Variants in CC2D1A observed in about 807,000 individuals in gnomAD.
CC2D1A encodes coiled-coil and C2 domain-containing protein 1A.
Under a neutral mutation model 123.8 loss-of-function variants are expected in CC2D1A, and 68 were observed. That is an observed-to-expected ratio of 0.55 (90% CI 0.45 to 0.67). CC2D1A has a LOEUF of 0.67. Among genes scored for constraint, CC2D1A ranks in the 30% least tolerant of loss-of-function variants. The pLI, the probability that CC2D1A is intolerant of heterozygous loss-of-function variation, is 0.00. For synonymous variants in CC2D1A, 477 were observed against 528.0 expected (o/e 0.90, Z 1.32); for missense variants, 1,185 against 1,290.3 (o/e 0.92, Z 1.25).
rs371934690 is a variant in CC2D1A, at chr19:13,923,522, C to T, written c.1765-26C>T. 3.9e-5 allele frequency: 63 copies of T among 1,613,960 alleles called. 1 individual carries two copies. Among genetic ancestry groups the T allele is most frequent in the Non-Finnish European group, 4.6e-5 (54 of 1,179,998 alleles). Reference sequence around the variant, plus strand: ...CTCCTTCCCCTCTCTTCCCTTCCCTCGACTCACTGCCTTCTGTTTCCCCAG... The same window carrying T: ...CTCCTTCCCCTCTCTTCCCTTCCCTTGACTCACTGCCTTCTGTTTCCCCAG... On this transcript the variant is annotated intron_variant, in intron 15 of 28. Coordinates refer to ENST00000318003, the MANE Select transcript of CC2D1A (RefSeq NM_017721.5). The surrounding 1 kb of genome is among the most constrained non-coding windows in gnomAD (Gnocchi z 5.3).
intron 12 of CC2D1A, 141 bp downstream of exon 12, chr19:13,920,092 T>C: frequency 1.2e-6 from 1 of 835,328 alleles, no homozygotes; most frequent in Non-Finnish European, 1.8e-6. Flanking sequence ...TACAAAAAAA[T>C]TTTTTAAAAT....
intron 1 of CC2D1A, 97 bp from the exon 2 acceptor site, chr19:13,909,726 T>A: frequency 6.6e-7 from 1 of 1,520,828 alleles, no homozygotes; most frequent in Non-Finnish European, 9.1e-7. Flanking sequence ...CTGGGAGACC[T>A]TGTTTCCTTC....
rs778636075 is a variant in CC2D1A at position 13,919,193 on chromosome 19, G to T, written c.1213G>T (p.Val405Leu). ...GRAVDVAELP[V>L]PPGFPPIQGL... Reference sequence around the variant, plus strand: ...AGCCGTGGATGTCGCTGAATTGCCCGTGCCCCCAGGTAGGCCTTGCCCCTG... The same window carrying T: ...AGCCGTGGATGTCGCTGAATTGCCCTTGCCCCCAGGTAGGCCTTGCCCCTG... The change falls in exon 11 of 29, where the codon GTG becomes TTG. Residue 405 changes from valine (V) to leucine (L), a missense_variant. Transcript: ENST00000318003. 2 of 1,612,010 alleles carry T rather than the reference G, an allele frequency of 1.2e-6. No individual in the cohort carries two copies. Among genetic ancestry groups the T allele is most frequent in the Non-Finnish European group, 1.7e-6 (2 of 1,179,158 alleles).
Position 13,930,431 on chromosome 19 carries a change from C to T in CC2D1A, c.*36C>T. ...GGGCGGGCAGCCCCCAGAAAGCGGGCAGCAGGCCCCGATACCGGGAAGAGC... is the reference window on the plus strand; with the variant it reads ...GGGCGGGCAGCCCCCAGAAAGCGGGTAGCAGGCCCCGATACCGGGAAGAGC... On this transcript the variant is annotated 3_prime_UTR_variant, in exon 29 of 29. Coordinates refer to ENST00000318003, the MANE Select transcript of CC2D1A (RefSeq NM_017721.5). The surrounding 1 kb of genome is among the most constrained non-coding windows in gnomAD (Gnocchi z 6.8). The T allele has an allele frequency of 6.4e-7, 1 of 1,573,492 alleles. No homozygotes were observed.
Position 13,906,333 on chromosome 19 carries a change from C to A in CC2D1A, c.-109C>A. On this transcript the variant is annotated 5_prime_UTR_variant, in exon 1 of 29. Transcript: ENST00000318003. This position sits in a 1 kb window ranked among gnomAD's most constrained non-coding sequence, Gnocchi z 4.1. ...GGGATCGACGGCCGCGGGGCGCCGA[C>A]GAGGAGTGCAGGACTCAGGAAGGGC... 2.5e-6 allele frequency: 2 copies of A among 810,928 alleles called. No individual in the cohort carries two copies. Among genetic ancestry groups the A allele is most frequent in the Non-Finnish European group, 3.5e-6 (2 of 572,752 alleles). 50.2% of individuals were successfully genotyped at this position (810,928 alleles called of 1,614,324 possible). A position where few individuals can be genotyped will look rare whatever the true frequency, so the allele number is the denominator to read the frequency against.
At chr19:13,925,389 G>A (rs1971556541) in intron 17 of CC2D1A, among the ~76,000 whole-genome samples, 1 of 152,034 alleles carries the variant, frequency 6.6e-6, no homozygotes. Flanking sequence ...GACCATTCTG[G>A]CTAACATGGT....
chr19:13,910,315 G>GAA (rs201940103), intron 2 of CC2D1A, among the ~76,000 whole-genome samples: 4,583 of 147,446 alleles, frequency 0.031, 112 homozygotes, highest in Non-Finnish European at 0.043. Flanking sequence ...GGCTGAGGCA[G>GAA]AAGAATGGCG....
chr19:13,920,993 T>G, intron 14 of CC2D1A, 71 bp downstream of exon 14: 1 of 1,431,284 alleles, frequency 7.0e-7, no homozygotes, highest in Non-Finnish European at 9.4e-7. Flanking sequence ...AGCAGCCACG[T>G]GAACTAGAAG....
At chr19:13,920,970 G>T (rs1971394949) in intron 14 of CC2D1A, 48 bp downstream of exon 14, 2 of 1,537,064 alleles carry the variant, frequency 1.3e-6, no homozygotes, top group African/African-American at 1.4e-5. Context: ...CACTTGTCAG[G>T]CTCCTGCCCC....
Position 13,930,038 on chromosome 19 carries a change from C to T in CC2D1A, c.2711-40C>T, listed in dbSNP as rs1015292888. 6.3e-7 allele frequency: 1 copy of T among 1,594,056 alleles called. No homozygotes were observed. The highest frequency in any genetic ancestry group is 8.5e-7 in the Non-Finnish European group (1 of 1,169,674). The stretch of plus-strand genomic sequence containing the variant: ...TCCAGGAGGGTTGTGGGCAGTGAGG[C>T]CCCACCCTAAGCCTCCATTCCCCCG... On this transcript the variant is annotated intron_variant, in intron 26 of 28. Transcript: ENST00000318003. This position sits in a 1 kb window ranked among gnomAD's most constrained non-coding sequence, Gnocchi z 6.8.
chr19:13,919,969 G>T lies in CC2D1A; in HGVS notation c.1356+18G>T. On this transcript the variant is annotated intron_variant, in intron 12 of 28. Transcript: ENST00000318003. Reference sequence around the variant, plus strand: ...CTAAGAAGGTTTGAGGGTTGGGGCCGGGCGCAGTGGCTCACACCTGTAGTC... The same window carrying T: ...CTAAGAAGGTTTGAGGGTTGGGGCCTGGCGCAGTGGCTCACACCTGTAGTC... 1 of 1,601,768 alleles carries T rather than the reference G, an allele frequency of 6.2e-7. No homozygotes were observed. Among genetic ancestry groups the T allele is most frequent in the Non-Finnish European group, 8.5e-7 (1 of 1,173,380 alleles).
In CC2D1A at chr19:13,928,254, G is replaced by A. The variant is rs933408439; in HGVS notation, c.2519+66G>A. ...TTCCCCTCTCAGCCCCACCTGGACAGTTTCCCACCAGGCACAAATTGGACC... is the reference window on the plus strand; with the variant it reads ...TTCCCCTCTCAGCCCCACCTGGACAATTTCCCACCAGGCACAAATTGGACC... On this transcript the variant is annotated intron_variant, in intron 24 of 28. Transcript: ENST00000318003. 11 of 1,411,602 alleles carry A rather than the reference G, an allele frequency of 7.8e-6. No individual in the cohort carries two copies. The African/African-American group carries it at 1.4e-4, about 18-fold the overall frequency. 87.4% of individuals were successfully genotyped at this position (1,411,602 alleles called of 1,614,324 possible). A position where few individuals can be genotyped will look rare whatever the true frequency, so the allele number is the denominator to read the frequency against.
Position 13,906,562 on chromosome 19 carries a change from G to A in CC2D1A, c.60+61G>A. The A allele has an allele frequency of 8.6e-7, 1 of 1,159,712 alleles. No individual in the cohort carries two copies. Among genetic ancestry groups the A allele is most frequent in the Non-Finnish European group, 1.2e-6 (1 of 861,380 alleles). The allele number at this position is 1,159,712 out of a possible 1,614,324, so 71.8% of individuals were successfully genotyped here. A position where few individuals can be genotyped will look rare whatever the true frequency, so the allele number is the denominator to read the frequency against. On this transcript the variant is annotated intron_variant, in intron 1 of 28. Coordinates refer to ENST00000318003, the MANE Select transcript of CC2D1A (RefSeq NM_017721.5). The surrounding 1 kb of genome is among the most constrained non-coding windows in gnomAD (Gnocchi z 4.1). ...CTCCCCACCCCCGTCACTCGCTCAGGGAAGGGCCCCACCCCCCAGGGAAGC... is the reference window on the plus strand; with the variant it reads ...CTCCCCACCCCCGTCACTCGCTCAGAGAAGGGCCCCACCCCCCAGGGAAGC...
chr19:13,926,016 G>GTA (rs1391382210), intron 17 of CC2D1A, among the ~76,000 whole-genome samples: 1 of 76,370 alleles, frequency 1.3e-5, no homozygotes, highest in Non-Finnish European at 2.2e-5. Context: ...ATATATATAC[G>GTA]TATATATATG....
At chr19:13,917,306 C>CAA (rs60630779) in intron 6 of CC2D1A, among the ~76,000 whole-genome samples, 1 of 150,058 alleles carries the variant, frequency 6.7e-6, no homozygotes, top group East Asian at 1.9e-4. Flanking sequence ...CCCATCTCTA[C>CAA]AAAAAAAAAT....
At position 13,928,160 on chromosome 19, in the gene CC2D1A, C is replaced by A. The variant is rs533904112; in HGVS notation, c.2491C>A (p.Pro831Thr). The part of the protein sequence containing the change: ...AGPKGKAPPV[P>T]APARESGNRS... ...GCCCAAAGGGAAGGCCCCTCCTGTGCCTGCCCCTGCAAGGGAGTCAGGGAA... is the reference window on the plus strand; with the variant it reads ...GCCCAAAGGGAAGGCCCCTCCTGTGACTGCCCCTGCAAGGGAGTCAGGGAA... The change falls in exon 24 of 29, where the codon CCT (proline) becomes ACT (threonine). Residue 831 changes from proline (P) to threonine (T), a missense_variant. Transcript: ENST00000318003. 6.2e-7 allele frequency: 1 copy of A among 1,613,530 alleles called. No individual in the cohort carries two copies. The highest frequency in any genetic ancestry group is 2.2e-5 in the East Asian group (1 of 44,878).
Position 13,909,961 on chromosome 19 carries a change from G to A in CC2D1A, c.196+3G>A. On this transcript the variant is annotated splice_donor_region_variant and intron_variant, in intron 2 of 28. Coordinates refer to ENST00000318003, the MANE Select transcript of CC2D1A (RefSeq NM_017721.5). ...CCTGGAGAAGCTCAAAGGCAAAGGT[G>A]AGATGGTTAACACACCCTCAGAACA... The A allele has an allele frequency of 6.6e-7, 1 of 1,512,694 alleles. No homozygotes were observed. The allele number at this position is 1,512,694 out of a possible 1,614,324, so 93.7% of individuals were successfully genotyped here.
intron 1 of CC2D1A, among the ~76,000 whole-genome samples, chr19:13,907,578 T>C (rs1970813353): frequency 6.6e-6 from 1 of 151,722 alleles, no homozygotes. Context: ...GAGGCTGAGG[T>C]GGGAGAATCG....
rs753308817 is a variant in CC2D1A, at chr19:13,919,062, G to A, written c.1149+20G>A. 53 of 1,603,364 alleles carry A rather than the reference G, an allele frequency of 3.3e-5. No homozygotes were observed. In the Admixed American group the frequency reaches 3.5e-4, roughly 11 times the overall value. Reference sequence around the variant, plus strand: ...GTCAAGGTGCCCTGGGGGTTCCGGGGGAGGTGGGGCGAGTGGGCAGCCCGG... The same window carrying A: ...GTCAAGGTGCCCTGGGGGTTCCGGGAGAGGTGGGGCGAGTGGGCAGCCCGG... On this transcript the variant is annotated intron_variant, in intron 10 of 28. Coordinates refer to ENST00000318003, the MANE Select transcript of CC2D1A (RefSeq NM_017721.5).
Sources: gnomAD v4.1 joint callset for allele counts (sites outside exome capture counted in the v4.1 genomes callset) on GRCh38, gnomAD v4.1.1 for gene constraint, Gnocchi (gnomAD v3.1) non-coding constraint, MANE v1.5 for transcripts, NCBI Gene and HGNC (gene_info 2026-07-23, HGNC 2026-07-21) for gene names.